The following PDE4D variants were observed in gnomAD, a reference collection of about 807,000 sequenced individuals.
PDE4D encodes the protein phosphodiesterase 4D.
A neutral mutation model predicts 87.4 loss-of-function variants in PDE4D; 24 were observed. The ratio of observed to expected loss-of-function variants is 0.27; its 90% CI spans 0.20 to 0.39. The LOEUF is 0.39. Ranked by LOEUF, PDE4D falls within the 10% of genes least tolerant of loss-of-function variation. PDE4D has a pLI of 1.00. For missense variants in PDE4D, 714 were observed against 1,041.0 expected, an observed-to-expected ratio of 0.69 and a Z score of 4.32; for synonymous variants, 384 against 383.2, an observed-to-expected ratio of 1.00 and a Z score of -0.02.
At chr5:60,508,197 C>T (rs779018382) in intron 1 of PDE4D, among the ~76,000 whole-genome samples, 1 of 152,334 alleles carries the variant, frequency 6.6e-6, no homozygotes, top group East Asian at 1.9e-4. Flanking sequence ...TGTGAACCTA[C>T]GTTGGGTTCC....
At chr5:59,517,011 A>C (rs1811287999) in intron 1 of PDE4D, among the ~76,000 whole-genome samples, 1 of 152,172 alleles carries the variant, frequency 6.6e-6, no homozygotes, top group African/African-American at 2.4e-5. Flanking sequence ...ATATTTTCTA[A>C]GTCACTTAAA....
At chr5:60,160,502 T>C (rs946236116) in intron 2 of PDE4D, among the ~76,000 whole-genome samples, 9 of 152,066 alleles carry the variant, frequency 5.9e-5, no homozygotes, top group African/African-American at 2.2e-4. Context: ...AACAAAATTT[T>C]TTTTAAAAGA....
intron 2 of PDE4D, among the ~76,000 whole-genome samples, chr5:60,020,893 G>A (rs571819441): frequency 6.6e-6 from 1 of 152,164 alleles, no homozygotes; most frequent in African/African-American, 2.4e-5. Flanking sequence ...CTAGACATAA[G>A]CTTAATCTTG....
intron 1 of PDE4D, among the ~76,000 whole-genome samples, chr5:59,725,067 A>C (rs1019780489): frequency 6.6e-6 from 1 of 152,004 alleles, no homozygotes; most frequent in Non-Finnish European, 1.5e-5. Context: ...AAGACTGACT[A>C]TCTCTCCAAG....
chr5:59,979,714 C>T (rs1277359924), intron 3 of PDE4D, among the ~76,000 whole-genome samples: 3 of 151,912 alleles, frequency 2.0e-5, no homozygotes, highest in Admixed American at 6.6e-5. Context: ...TAAAAGTGCC[C>T]GGCTCCATCT....
At chr5:59,254,957 A>G (rs994143255) in intron 1 of PDE4D, among the ~76,000 whole-genome samples, 2 of 152,176 alleles carry the variant, frequency 1.3e-5, no homozygotes, top group Non-Finnish European at 2.9e-5. Context: ...CATTCAAGAG[A>G]ATAACTTTCT....
intron 1 of PDE4D, among the ~76,000 whole-genome samples, chr5:59,291,086 A>G (rs1003197435): frequency 5.3e-5 from 8 of 152,114 alleles, no homozygotes; most frequent in Non-Finnish European, 1.0e-4. Context: ...CTAAGTACAT[A>G]CCCAAAAGAA....
intron 3 of PDE4D, among the ~76,000 whole-genome samples, chr5:59,955,714 T>C (rs1458097465): frequency 1.3e-5 from 2 of 152,072 alleles, no homozygotes; most frequent in Admixed American, 1.3e-4. Context: ...TCACAACATC[T>C]CCCTAAGGCA....
intron 1 of PDE4D, among the ~76,000 whole-genome samples, chr5:60,193,774 G>A (rs767506987): frequency 1.3e-5 from 2 of 151,140 alleles, no homozygotes; most frequent in Non-Finnish European, 3.0e-5. Flanking sequence ...TAACAATAGG[G>A]CTCTTTACCT....
chr5:59,377,022 C>G (rs1784842397), intron 1 of PDE4D, among the ~76,000 whole-genome samples: 1 of 152,122 alleles, frequency 6.6e-6, no homozygotes, highest in Non-Finnish European at 1.5e-5. Flanking sequence ...ATATACAAAA[C>G]TTAACTCAAG....
chr5:59,570,497 A>T (rs1821647801), intron 1 of PDE4D, among the ~76,000 whole-genome samples: 1 of 152,204 alleles, frequency 6.6e-6, no homozygotes, highest in African/African-American at 2.4e-5. Flanking sequence ...CTGTGTTAGA[A>T]AAAAAGACAA....
intron 1 of PDE4D, among the ~76,000 whole-genome samples, chr5:59,788,783 T>C (rs1345063065): frequency 1.3e-5 from 2 of 152,254 alleles, no homozygotes; most frequent in South Asian, 2.1e-4. Context: ...TTATAGTTAA[T>C]GTAACCTCCC....
At chr5:60,130,402 T>A (rs1374832330) in intron 2 of PDE4D, among the ~76,000 whole-genome samples, 3 of 152,174 alleles carry the variant, frequency 2.0e-5, no homozygotes, top group African/African-American at 7.2e-5. Context: ...TATTTTTTCA[T>A]GTGAGATGCC....
chr5:60,047,272 G>C (rs1428357078), intron 2 of PDE4D, among the ~76,000 whole-genome samples: 3 of 151,684 alleles, frequency 2.0e-5, no homozygotes, highest in Admixed American at 6.6e-5. Context: ...TTCTTTATTA[G>C]TCTTGCTAGC....
chr5:60,326,427 G>A (rs1321500701), intron 1 of PDE4D, among the ~76,000 whole-genome samples: 2 of 152,044 alleles, frequency 1.3e-5, no homozygotes, highest in Admixed American at 1.3e-4. Flanking sequence ...TAAAATCAGG[G>A]ATAACACTAG....
At chr5:59,264,224 A>G (rs1302318772) in intron 1 of PDE4D, among the ~76,000 whole-genome samples, 3 of 152,018 alleles carry the variant, frequency 2.0e-5, no homozygotes, top group African/African-American at 7.2e-5. Flanking sequence ...ATTTTCTCTG[A>G]GACCAACGCA....
chr5:59,004,127 A>C (rs1561282207), intron 6 of PDE4D, among the ~76,000 whole-genome samples: 1 of 146,028 alleles, frequency 6.8e-6, no homozygotes, highest in African/African-American at 2.5e-5. Flanking sequence ...AATACTCCCT[A>C]CATAGATTTA....
chr5:59,046,438 GTGTGTA>G (rs1368972923), intron 5 of PDE4D, among the ~76,000 whole-genome samples: 3 of 151,450 alleles, frequency 2.0e-5, no homozygotes, highest in Admixed American at 6.6e-5. Flanking sequence ...GTGTGTGTGT[GTGTGTA>G]TGTGTGTGTA....
intron 1 of PDE4D, among the ~76,000 whole-genome samples, chr5:59,694,235 C>T (rs574187043): frequency 2.0e-5 from 3 of 152,246 alleles, no homozygotes; most frequent in African/African-American, 7.2e-5. Flanking sequence ...CACAAACTCC[C>T]AATAACTCAG....
Sources: allele counts gnomAD v4.1 joint callset (sites outside exome capture counted in the v4.1 genomes callset), GRCh38; gene constraint gnomAD v4.1.1; transcripts MANE v1.5; gene names NCBI Gene and HGNC (gene_info 2026-07-23, HGNC 2026-07-21).